ZDHHC2: variants seen among roughly 807,000 people sequenced by gnomAD.
ZDHHC2 encodes the protein zDHHC palmitoyltransferase 2.
A neutral mutation model predicts 55.6 loss-of-function variants in ZDHHC2; 51 were observed. The ratio of observed to expected loss-of-function variants is 0.92; its 90% CI spans 0.73 to 1.16. The LOEUF is 1.16. Among genes scored for constraint, ZDHHC2 ranks in the 50% most tolerant of loss-of-function variants. ZDHHC2 has a pLI of 0.00. For synonymous variants in ZDHHC2, 199 were observed against 152.9 expected (o/e 1.30, Z -2.22); for missense variants, 491 against 442.4 (o/e 1.11, Z -0.99).
In ZDHHC2 at chr8:17,156,503, A is replaced by T; in HGVS notation, c.-221A>T. ...CTCCGCCTCCTCGGCCTCCGCTCGC[A>T]GCCGCCGCCTCCGCCTCCGCCGGGC... On this transcript the variant is annotated 5_prime_UTR_variant, in exon 1 of 13. Transcript: ENST00000262096. 5.8e-6 allele frequency: 1 copy of T among 171,080 alleles called. No homozygotes were observed. The highest frequency in any genetic ancestry group is 1.2e-5 in the Non-Finnish European group (1 of 86,126). 10.6% of individuals were successfully genotyped at this position (171,080 alleles called of 1,614,324 possible).
chr8:17,190,689 C>A (rs1805977802), intron 3 of ZDHHC2, among the ~76,000 whole-genome samples: 1 of 151,976 alleles, frequency 6.6e-6, no homozygotes, highest in Admixed American at 6.6e-5. Flanking sequence ...AAGCACTTTA[C>A]ATTCTGAATT....
intron 1 of ZDHHC2, among the ~76,000 whole-genome samples, chr8:17,177,049 G>T (rs1049291499): frequency 2.6e-5 from 4 of 152,162 alleles, no homozygotes; most frequent in African/African-American, 7.2e-5. Flanking sequence ...AAATGAACCA[G>T]AGATTTTTGG....
chr8:17,203,968 C>T (rs1040405769), intron 6 of ZDHHC2, among the ~76,000 whole-genome samples: 1 of 152,074 alleles, frequency 6.6e-6, no homozygotes, highest in African/African-American at 2.4e-5. Context: ...CTACCACGCC[C>T]AGCTAATTTT....
At chr8:17,160,353 G>A (rs373894952) in intron 1 of ZDHHC2, among the ~76,000 whole-genome samples, 13 of 152,306 alleles carry the variant, frequency 8.5e-5, no homozygotes, top group East Asian at 3.9e-4. Context: ...TTATGATGAT[G>A]TTGCGCAGTC....
intron 1 of ZDHHC2, among the ~76,000 whole-genome samples, chr8:17,183,619 G>T (rs965927342): frequency 6.6e-6 from 1 of 152,114 alleles, no homozygotes; most frequent in Non-Finnish European, 1.5e-5. Context: ...TATATTAGTT[G>T]GTGTAAACTA....
At chr8:17,162,618 A>G (rs1275809463) in intron 1 of ZDHHC2, among the ~76,000 whole-genome samples, 1 of 152,230 alleles carries the variant, frequency 6.6e-6, no homozygotes, top group Non-Finnish European at 1.5e-5. Context: ...TTCCCGCCAC[A>G]GAAATGATTT....
chr8:17,218,757 T>C (rs967811043), intron 12 of ZDHHC2, among the ~76,000 whole-genome samples: 1 of 152,216 alleles, frequency 6.6e-6, no homozygotes, highest in African/African-American at 2.4e-5. Flanking sequence ...CCCGATTTTC[T>C]GATGTCATGT....
chr8:17,189,731 G>A (rs1034644025), intron 3 of ZDHHC2, among the ~76,000 whole-genome samples: 2 of 152,136 alleles, frequency 1.3e-5, no homozygotes, highest in Admixed American at 6.5e-5. Context: ...TGAAACACAC[G>A]GAAGAAAGAA....
chr8:17,197,887 G>T lies in ZDHHC2; in HGVS notation c.443+236G>T, dbSNP rs114932621. Among the ~76,000 whole-genome samples, 352 of 152,284 alleles carry T rather than the reference G, an allele frequency of 2.3e-3. 2 individuals are homozygous for T. Among genetic ancestry groups the T allele is most frequent in the African/African-American group, 8.1e-3 (337 of 41,552 alleles). On this transcript the variant is annotated intron_variant, in intron 5 of 12. Transcript: ENST00000262096. ...GCCCTGAAGTATGTGATTTTTAGCA[G>T]TTCTGACTTGGCTGGTTCAATTTAG...
At chr8:17,215,462 A>C (rs1384224068) in intron 11 of ZDHHC2, 113 bp downstream of exon 11, 3 of 810,724 alleles carry the variant, frequency 3.7e-6, no homozygotes, top group Non-Finnish European at 2.0e-6. Flanking sequence ...TTGGAGTCAG[A>C]CTTCTATTCT....
chr8:17,217,087 G>C, intron 11 of ZDHHC2, 85 bp from the exon 12 acceptor site: 3 of 1,353,438 alleles, frequency 2.2e-6, no homozygotes, highest in Non-Finnish European at 3.1e-6. Flanking sequence ...TCTACCAAGG[G>C]ATTCCTTATT....
chr8:17,169,529 A>T (rs374403025), intron 1 of ZDHHC2, among the ~76,000 whole-genome samples: 1 of 152,184 alleles, frequency 6.6e-6, no homozygotes, highest in African/African-American at 2.4e-5. Flanking sequence ...TGGAAATGGT[A>T]CGCAAACTGA....
chr8:17,210,119 T>C, intron 9 of ZDHHC2, 61 bp downstream of exon 9: 1 of 1,522,094 alleles, frequency 6.6e-7, no homozygotes, highest in Non-Finnish European at 8.8e-7. Context: ...CAAAAGATAG[T>C]TTCAGGAAAA....
At chr8:17,163,449 T>C (rs942286701) in intron 1 of ZDHHC2, among the ~76,000 whole-genome samples, 1 of 152,020 alleles carries the variant, frequency 6.6e-6, no homozygotes. Context: ...CATAGATGAG[T>C]ATATATGGGG....
chr8:17,195,383 T>A (rs1298328291), intron 3 of ZDHHC2, 121 bp from the exon 4 acceptor site: 3 of 1,165,040 alleles, frequency 2.6e-6, no homozygotes. Context: ...CTCTATTGTC[T>A]CTTTGAATGT....
chr8:17,183,945 A>C (rs539243209), intron 1 of ZDHHC2, among the ~76,000 whole-genome samples: 9 of 152,240 alleles, frequency 5.9e-5, no homozygotes, highest in African/African-American at 2.2e-4. Flanking sequence ...TCCAGGCTTC[A>C]GAAGGCAGCG....
intron 1 of ZDHHC2, among the ~76,000 whole-genome samples, chr8:17,178,523 C>A (rs1362700146): frequency 3.3e-5 from 5 of 152,176 alleles, no homozygotes; most frequent in Admixed American, 2.0e-4. Flanking sequence ...TCCATACTTT[C>A]CCTGTCTCAG....
intron 1 of ZDHHC2, among the ~76,000 whole-genome samples, chr8:17,157,236 C>T (rs1050687132): frequency 6.6e-6 from 1 of 152,186 alleles, no homozygotes; most frequent in Non-Finnish European, 1.5e-5. Flanking sequence ...CTGGGCCCGG[C>T]CCCGAGCTGC....
intron 3 of ZDHHC2, among the ~76,000 whole-genome samples, chr8:17,191,921 A>C (rs1015155218): frequency 1.3e-5 from 2 of 152,154 alleles, no homozygotes; most frequent in African/African-American, 4.8e-5. Context: ...CATTCTCACC[A>C]ACAGTATACA....
Sources: allele counts gnomAD v4.1 joint callset (sites outside exome capture counted in the v4.1 genomes callset), GRCh38; gene constraint gnomAD v4.1.1; transcripts MANE v1.5; gene names NCBI Gene and HGNC (gene_info 2026-07-23, HGNC 2026-07-21).